Variants in ALDH16A1 observed in about 807,000 individuals in gnomAD.
The protein encoded by ALDH16A1 is aldehyde dehydrogenase family 16 member A1.
ALDH16A1 carries 88 observed loss-of-function variants against 96.1 expected under a neutral mutation model. The observed-to-expected ratio is 0.92, with a 90% confidence interval of 0.77 to 1.09. The LOEUF is 1.09. Ranked by LOEUF, ALDH16A1 falls within the 50% of genes least tolerant of loss-of-function variation. ALDH16A1 has a pLI of 0.00. For missense variants in ALDH16A1, 1,250 were observed against 1,112.6 expected, an observed-to-expected ratio of 1.12 and a Z score of -1.76; for synonymous variants, 522 against 496.4, an observed-to-expected ratio of 1.05 and a Z score of -0.69.
At chr19:49,466,439 C>A (rs2079199686) in intron 14 of ALDH16A1, among the ~76,000 whole-genome samples, 156 bp downstream of exon 14, 1 of 152,216 alleles carries the variant, frequency 6.6e-6, no homozygotes, top group African/African-American at 2.4e-5. Flanking sequence ...TACCTCAGTT[C>A]CCTCATCTGT....
intron 4 of ALDH16A1, among the ~76,000 whole-genome samples, chr19:49,460,422 T>A (rs4277437): frequency 1.3e-5 from 2 of 150,570 alleles, no homozygotes; most frequent in African/African-American, 4.9e-5. Flanking sequence ...TTTTGTTTTT[T>A]TTTTTTTTGA....
intron 16 of ALDH16A1, chr19:49,469,294 C>G (rs1323840346): frequency 4.8e-6 from 1 of 207,096 alleles, no homozygotes; most frequent in Non-Finnish European, 9.7e-6. Context: ...GACAGAACCT[C>G]ACCCTGTCAC....
chr19:49,466,118 G>T lies in ALDH16A1; in HGVS notation c.1773G>T (p.Leu591=). 1 of 1,553,260 alleles carries T rather than the reference G, an allele frequency of 6.4e-7. No individual in the cohort carries two copies. Residue 591 remains leucine, a synonymous_variant, in exon 14 of 17, where the codon CTG becomes CTT. Transcript: ENST00000293350. ...AGQSPGARAA[L]LWALAAALER... ...AGTCCCCAGGAGCCCGGGCAGCCCT[G>T]CTGTGGGCCCTGGCGGCTGCACTGG...
chr19:49,457,829 T>C (rs969680037), intron 1 of ALDH16A1, among the ~76,000 whole-genome samples: 12 of 152,012 alleles, frequency 7.9e-5, no homozygotes, highest in East Asian at 7.8e-4. Context: ...CAGGCTGGTC[T>C]TGAATGCCTA....
Position 49,461,903 on chromosome 19 carries a change from G to C in ALDH16A1, c.779G>C (p.Arg260Pro), listed in dbSNP as rs946667845. 2 of 1,582,360 alleles carry C rather than the reference G, an allele frequency of 1.3e-6. No homozygotes were observed. Among genetic ancestry groups the C allele is most frequent in the Non-Finnish European group, 1.7e-6 (2 of 1,164,900 alleles). Residue 260 changes from arginine to proline, a missense_variant, in exon 7 of 17, where the codon CGG becomes CCG. By Grantham distance (103) the Arg-to-Pro change is moderately radical (BLOSUM62 -2). Coordinates refer to ENST00000293350, the MANE Select transcript of ALDH16A1 (RefSeq NM_153329.4). Reference protein sequence around the residue: ...GAPEEGRALRRSLAGECAELG... With the variant: ...GAPEEGRALRPSLAGECAELG... The stretch of plus-strand genomic sequence containing the variant: ...CCCTAGGAAGGGCGTGCCCTTCGAC[G>C]GAGCCTGGCGGGAGAGTGTGCGGAG...
chr19:49,458,939 T>TC lies in ALDH16A1; in HGVS notation c.194-15dup, dbSNP rs200529298. 4.0e-3 allele frequency: 6,468 copies of TC among 1,605,510 alleles called. 228 individuals carry two copies. The African/African-American group carries it at 0.074, about 18-fold the overall frequency. ...ACATGGGCTACTCCTCCCATCTGAG[T>TC]CCCCCCACTTTTCTCCCCAGGAGAG... is the stretch of plus-strand genomic sequence containing the variant. On this transcript the variant is annotated intron_variant, in intron 2 of 16. Transcript: ENST00000293350.
chr19:49,461,844 G>A (rs1326396885), intron 6 of ALDH16A1, 40 bp from the exon 7 acceptor site: 6 of 1,598,404 alleles, frequency 3.8e-6, no homozygotes, highest in South Asian at 2.2e-5. Context: ...GCTGGGGGCC[G>A]CAAGGCTCCT....
chr19:49,454,754 G>A (rs915393810), intron 1 of ALDH16A1, among the ~76,000 whole-genome samples: 6 of 152,186 alleles, frequency 3.9e-5, no homozygotes, highest in African/African-American at 7.2e-5. Context: ...AGGCCAAGAC[G>A]GGCAGATCGC....
chr19:49,455,099 C>T (rs529197390), intron 1 of ALDH16A1, among the ~76,000 whole-genome samples: 4 of 151,326 alleles, frequency 2.6e-5, no homozygotes, highest in East Asian at 3.9e-4. Flanking sequence ...GCCTGGGCAA[C>T]GGAGCAAGAC....
intron 11 of ALDH16A1, 47 bp from the exon 12 acceptor site, chr19:49,464,585 C>A (rs199547632): frequency 6.2e-7 from 1 of 1,613,448 alleles, no homozygotes; most frequent in African/African-American, 1.3e-5. Context: ...CACTCGCATC[C>A]GGCCTCGCGT....
intron 8 of ALDH16A1, 39 bp from the exon 9 acceptor site, chr19:49,463,815 G>A: frequency 6.3e-7 from 1 of 1,587,118 alleles, no homozygotes; most frequent in Non-Finnish European, 8.6e-7. Flanking sequence ...TCAGCAGGAA[G>A]GGACCAGAAG....
Position 49,462,871 on chromosome 19 carries a change from G to GGT in ALDH16A1, c.1098+117_1098+118insTG. The GGT allele has an allele frequency of 2.8e-6, 2 of 712,996 alleles. 1 individual carries two copies. The highest frequency in any genetic ancestry group is 7.4e-5 in the Admixed American group (2 of 27,192). The allele number at this position is 712,996 out of a possible 1,614,324, so 44.2% of individuals were successfully genotyped here. A position where few individuals can be genotyped will look rare whatever the true frequency, so the allele number is the denominator to read the frequency against. ...GGACAACTGGGTCCGAGGAAGGAGG[G>GGT]GCTGGGAGCCTGGACTCCTGGGTCT... is the stretch of plus-strand genomic sequence containing the variant. On this transcript the variant is annotated intron_variant, in intron 8 of 16. Coordinates refer to ENST00000293350, the MANE Select transcript of ALDH16A1 (RefSeq NM_153329.4).
intron 7 of ALDH16A1, among the ~76,000 whole-genome samples, 183 bp downstream of exon 7, chr19:49,462,219 G>A (rs1280550626): frequency 6.0e-5 from 4 of 66,820 alleles, no homozygotes; most frequent in Non-Finnish European, 9.5e-5. Context: ...CGCAACCTCT[G>A]CCTCCCAGGT....
intron 1 of ALDH16A1, among the ~76,000 whole-genome samples, chr19:49,456,852 A>C (rs1452653013): frequency 2.0e-5 from 3 of 152,198 alleles, no homozygotes; most frequent in Admixed American, 6.5e-5. Flanking sequence ...TCATGCTTGT[A>C]ATCCCAGCAC....
chr19:49,459,013 G>C lies in ALDH16A1; in HGVS notation c.247G>C (p.Val83Leu), dbSNP rs372239394. 1 of 1,613,444 alleles carries C rather than the reference G, an allele frequency of 6.2e-7. No individual in the cohort carries two copies. Among genetic ancestry groups the C allele is most frequent in the Non-Finnish European group, 8.5e-7 (1 of 1,180,026 alleles). ...QAQAEDVAAAVEAARMAFKGW... is the reference protein window; with the variant it reads ...QAQAEDVAAALEAARMAFKGW... ...ACAGGCCGAGGATGTGGCTGCAGCC[G>C]TGGAGGCAGCCAGGATGGCATTTAA... The change falls in exon 3 of 17, where the codon GTG (valine) becomes CTG (leucine). Residue 83 changes from valine to leucine, a missense_variant. Transcript: ENST00000293350. The surrounding 1 kb of genome is among the most constrained non-coding windows in gnomAD (Gnocchi z 4.1).
chr19:49,462,340 G>A (rs2079157492), intron 7 of ALDH16A1, among the ~76,000 whole-genome samples: 1 of 152,012 alleles, frequency 6.6e-6, no homozygotes, highest in African/African-American at 2.4e-5. Flanking sequence ...TCACCATGTT[G>A]GCCAGGCTGG....
rs2122427463 is a variant in ALDH16A1 at position 49,468,796 on chromosome 19, C to G, written c.2125-68C>G. ...CCATCCCCTTCCCTCCCATGGGCAC[C>G]CCCTGAATGCCCACTCCTTGCCCTG... On this transcript the variant is annotated intron_variant, in intron 15 of 16. Coordinates refer to ENST00000293350, the MANE Select transcript of ALDH16A1 (RefSeq NM_153329.4). This position sits in a 1 kb window ranked among gnomAD's most constrained non-coding sequence, Gnocchi z 4.4. 1 of 1,551,812 alleles carries G rather than the reference C, an allele frequency of 6.4e-7. No homozygotes were observed. The highest frequency in any genetic ancestry group is 2.3e-5 in the East Asian group (1 of 44,194).
At chr19:49,470,226 A>G (rs907269639) in intron 16 of ALDH16A1, 80 bp from the exon 17 acceptor site, 23 of 1,544,552 alleles carry the variant, frequency 1.5e-5, no homozygotes, top group Non-Finnish European at 1.9e-5. Flanking sequence ...CCTCGTCAGT[A>G]ACAGTCTTCA....
Position 49,461,695 on chromosome 19 carries a change from C to T in ALDH16A1, c.654C>T (p.Gly218=). Residue 218 remains glycine (G), a synonymous_variant, in exon 6 of 17, where the codon GGC becomes GGT. Transcript: ENST00000293350. ...LLLAQLAGEL[G]PFPGILNVLS... is the part of the protein sequence containing the mutation. ...TGGCCCAGCTGGCGGGGGAGCTGGG[C>T]CCCTTCCCGGGAATCCTGAATGTCC... is the stretch of plus-strand genomic sequence containing the variant. The T allele has an allele frequency of 6.2e-7, 1 of 1,608,442 alleles. No individual in the cohort carries two copies. The highest frequency in any genetic ancestry group is 8.5e-7 in the Non-Finnish European group (1 of 1,177,642).
Sources: allele counts gnomAD v4.1 joint callset (sites outside exome capture counted in the v4.1 genomes callset), GRCh38; gene constraint gnomAD v4.1.1; non-coding constraint Gnocchi (gnomAD v3.1); transcripts MANE v1.5; gene names NCBI Gene and HGNC (gene_info 2026-07-23, HGNC 2026-07-21).